FAM222A: variants seen among roughly 807,000 people sequenced by gnomAD.
FAM222A encodes the protein family with sequence similarity 222 member A, also known as protein FAM222A.
FAM222A carries 7 observed loss-of-function variants against 25.8 expected under a neutral mutation model. The observed-to-expected ratio is 0.27, with a 90% CI of 0.15 to 0.51. The LOEUF (loss-of-function observed/expected upper bound fraction) is 0.51. FAM222A is among the 20% of genes least tolerant of loss of function. The probability of loss-of-function intolerance (pLI) is 0.97; values close to 1 mark genes in which losing one functional copy is unlikely to be tolerated. For synonymous variants in FAM222A, 294 were observed against 298.8 expected (o/e 0.98, Z 0.17); for missense variants, 573 against 640.5 (o/e 0.89, Z 1.14).
intron 2 of FAM222A, among the ~76,000 whole-genome samples, chr12:109,756,808 T>G (rs1273641431): frequency 6.6e-6 from 1 of 152,206 alleles, no homozygotes; most frequent in Non-Finnish European, 1.5e-5. Flanking sequence ...CCATAGTTTT[T>G]TTGTGTGTAA....
At chr12:109,723,119 C>T (rs1887780091) in intron 1 of FAM222A, among the ~76,000 whole-genome samples, 1 of 152,052 alleles carries the variant, frequency 6.6e-6, no homozygotes, top group Admixed American at 6.5e-5. Context: ...GCAAGCATCC[C>T]AGGGTAGCAG....
rs61492433 is a variant in FAM222A at position 109,748,334 on chromosome 12, C to CTT, written c.82+4125_82+4126dup. Among the ~76,000 whole-genome samples, 627 of 81,524 alleles carry CTT rather than the reference C, an allele frequency of 7.7e-3. 2 individuals carry two copies. The highest frequency in any genetic ancestry group is 0.014 in the African/African-American group (353 of 25,344). 53.5% of individuals were successfully genotyped at this position (81,524 alleles called of 152,430 possible). A position where few individuals can be genotyped will look rare whatever the true frequency, so the allele number is the denominator to read the frequency against. On this transcript the variant is annotated intron_variant, in intron 2 of 2. Transcript: ENST00000538780. ...AAGAGATTGTTCTTTGGTTTTCTTT[C>CTT]TTTTTTTTTTTTTTTTTTTTGGAAC...
At chr12:109,741,457 G>A (rs1029863438) in intron 1 of FAM222A, among the ~76,000 whole-genome samples, 7 of 152,192 alleles carry the variant, frequency 4.6e-5, no homozygotes, top group African/African-American at 1.7e-4. Context: ...CACCATAAGA[G>A]CACGCTGACA....
intron 2 of FAM222A, among the ~76,000 whole-genome samples, chr12:109,750,838 A>G (rs1213085291): frequency 2.0e-5 from 3 of 150,844 alleles, no homozygotes; most frequent in Non-Finnish European, 4.4e-5. Flanking sequence ...GTTTTGTTCT[A>G]CTGTCTTCTA....
chr12:109,761,412 T>C (rs1403027609), intron 2 of FAM222A, among the ~76,000 whole-genome samples: 1 of 152,018 alleles, frequency 6.6e-6, no homozygotes, highest in Non-Finnish European at 1.5e-5. Flanking sequence ...CCTCCCCCCA[T>C]CCTAAATCAA....
At chr12:109,746,645 A>T (rs191840451) in intron 2 of FAM222A, among the ~76,000 whole-genome samples, 231 of 152,350 alleles carry the variant, frequency 1.5e-3, no homozygotes, top group Non-Finnish European at 2.7e-3. Flanking sequence ...TATAATTCAT[A>T]TACCATTCAC....
At chr12:109,739,327 C>A (rs997008862) in intron 1 of FAM222A, among the ~76,000 whole-genome samples, 1 of 152,250 alleles carries the variant, frequency 6.6e-6, no homozygotes, top group African/African-American at 2.4e-5. Flanking sequence ...CAGGAACATT[C>A]ATTTTTATTG....
chr12:109,719,268 G>T (rs1012018928), intron 1 of FAM222A, among the ~76,000 whole-genome samples: 1 of 152,168 alleles, frequency 6.6e-6, no homozygotes, highest in Non-Finnish European at 1.5e-5. Context: ...AGAAGCAGGG[G>T]CCCAGAGAAG....
At chr12:109,747,771 C>G (rs1888444046) in intron 2 of FAM222A, among the ~76,000 whole-genome samples, 1 of 152,188 alleles carries the variant, frequency 6.6e-6, no homozygotes, top group South Asian at 2.1e-4. Flanking sequence ...TTAACTTCTG[C>G]CACCTTACTG....
intron 1 of FAM222A, among the ~76,000 whole-genome samples, chr12:109,723,433 G>A (rs1367388197): frequency 1.3e-5 from 2 of 152,210 alleles, no homozygotes; most frequent in African/African-American, 4.8e-5. Flanking sequence ...TCTTGAACCT[G>A]CCATTGCACT....
Position 109,768,865 on chromosome 12 carries a change from C to T in FAM222A, c.936C>T (p.Ser312=). ...AYSGSTVASK[S]PEACGGRAYE... ...GTGGGAGCACGGTGGCCAGCAAGTC[C>T]CCTGAGGCTTGCGGGGGCCGGGCAT... is the stretch of plus-strand genomic sequence containing the variant. The change falls in exon 3 of 3, where the codon TCC becomes TCT. Residue 312 remains serine, a synonymous_variant. Transcript: ENST00000538780. 6.3e-7 allele frequency: 1 copy of T among 1,584,148 alleles called. No homozygotes were observed. Among genetic ancestry groups the T allele is most frequent in the Non-Finnish European group, 8.5e-7 (1 of 1,172,088 alleles).
At chr12:109,743,668 G>A (rs1592788442) in intron 1 of FAM222A, among the ~76,000 whole-genome samples, 2 of 152,190 alleles carry the variant, frequency 1.3e-5, no homozygotes, top group East Asian at 1.9e-4. Flanking sequence ...GGCATTTCCC[G>A]AGCACCCCTC....
intron 1 of FAM222A, among the ~76,000 whole-genome samples, chr12:109,722,281 G>C (rs1460277777): frequency 1.3e-5 from 2 of 152,184 alleles, no homozygotes; most frequent in Non-Finnish European, 2.9e-5. Context: ...TGGATGTTTG[G>C]ACTTTGCTTT....
At chr12:109,743,178 T>C (rs1261066350) in intron 1 of FAM222A, among the ~76,000 whole-genome samples, 3 of 152,088 alleles carry the variant, frequency 2.0e-5, no homozygotes, top group African/African-American at 7.2e-5. Flanking sequence ...AAGGGACCTC[T>C]AGGTAAGCTC....
intron 1 of FAM222A, among the ~76,000 whole-genome samples, chr12:109,737,191 A>G (rs1888109834): frequency 6.6e-6 from 1 of 152,002 alleles, no homozygotes; most frequent in South Asian, 2.1e-4. Context: ...CTTCTGCTCA[A>G]AAGTCCTTCC....
intron 1 of FAM222A, among the ~76,000 whole-genome samples, chr12:109,732,348 C>T (rs1022635096): frequency 3.3e-5 from 5 of 152,256 alleles, no homozygotes; most frequent in Non-Finnish European, 7.3e-5. Context: ...CACTTGGTCT[C>T]ATGTGGGAAC....
intron 2 of FAM222A, among the ~76,000 whole-genome samples, chr12:109,753,252 A>G (rs1009348323): frequency 6.6e-6 from 1 of 152,094 alleles, no homozygotes; most frequent in African/African-American, 2.4e-5. Context: ...GGCAGACATG[A>G]GCACCCACCC....
chr12:109,731,787 T>G (rs1887954171), intron 1 of FAM222A, among the ~76,000 whole-genome samples: 1 of 152,012 alleles, frequency 6.6e-6, no homozygotes, highest in African/African-American at 2.4e-5. Context: ...GTTTGTCGGG[T>G]TGAGGTGGCA....
intron 1 of FAM222A, among the ~76,000 whole-genome samples, chr12:109,733,457 A>G (rs529991184): frequency 2.0e-5 from 3 of 150,892 alleles, no homozygotes; most frequent in Non-Finnish European, 4.4e-5. Flanking sequence ...GCTGGAGTGC[A>G]GTGGCGTGTG....
Sources: allele counts gnomAD v4.1 joint callset (sites outside exome capture counted in the v4.1 genomes callset), GRCh38; gene constraint gnomAD v4.1.1; transcripts MANE v1.5; gene names NCBI Gene and HGNC (gene_info 2026-07-23, HGNC 2026-07-21).